DNAH9: variants seen among roughly 807,000 people sequenced by gnomAD.
The protein encoded by DNAH9 is dynein axonemal heavy chain 9.
A neutral mutation model predicts 471.6 loss-of-function variants in DNAH9; 345 were observed. That is an observed-to-expected ratio of 0.73 (90% CI 0.67 to 0.80). The LOEUF is 0.80. DNAH9 is among the 30% of genes least tolerant of loss of function. The probability of loss-of-function intolerance (pLI) is 0.00; values close to 1 mark genes in which losing one functional copy is unlikely to be tolerated. For synonymous variants in DNAH9, 2,093 were observed against 2,123.6 expected (o/e 0.99, Z 0.40); for missense variants, 5,407 against 5,609.2 (o/e 0.96, Z 1.15).
At chr17:11,809,390 C>T (rs2150926481) in intron 44 of DNAH9, among the ~76,000 whole-genome samples, 1 of 151,958 alleles carries the variant, frequency 6.6e-6, no homozygotes, top group South Asian at 2.1e-4. Flanking sequence ...ATGGTGAAAC[C>T]CCATCTCTAC....
In DNAH9 at chr17:11,647,270, G is replaced by A. The variant is rs185049307; in HGVS notation, c.2097+72G>A. On this transcript the variant is annotated intron_variant, in intron 12 of 68. Transcript: ENST00000262442. The stretch of plus-strand genomic sequence containing the variant: ...TTTGAACTCTGCTGATTTCAAAAGC[G>A]TAAAGACTTTTATTTTTTTGAGACG... 164 of 1,445,168 alleles carry A rather than the reference G, an allele frequency of 1.1e-4. No homozygotes were observed. In the East Asian group the frequency reaches 1.5e-3, roughly 13 times the overall value. 89.5% of individuals were successfully genotyped at this position (1,445,168 alleles called of 1,614,324 possible).
intron 38 of DNAH9, 92 bp downstream of exon 38, chr17:11,769,421 C>A: frequency 8.5e-7 from 1 of 1,180,316 alleles, no homozygotes; most frequent in Non-Finnish European, 1.2e-6. Flanking sequence ...GCCTGCCTGA[C>A]TTGAGTTCTG....
At chr17:11,725,587 C>G (rs919388727) in intron 27 of DNAH9, among the ~76,000 whole-genome samples, 4 of 152,128 alleles carry the variant, frequency 2.6e-5, no homozygotes, top group Admixed American at 2.6e-4. Flanking sequence ...TGCCCTACAT[C>G]AGGACACAGT....
chr17:11,598,937 C>G, intron 1 of DNAH9, 22 bp downstream of exon 1: 2 of 1,300,694 alleles, frequency 1.5e-6, no homozygotes, highest in Non-Finnish European at 2.0e-6. Context: ...TTAGTGTCCC[C>G]GCGCGGCTAA....
chr17:11,790,891 C>T (rs1289817274), intron 41 of DNAH9, among the ~76,000 whole-genome samples: 2 of 152,058 alleles, frequency 1.3e-5, no homozygotes, highest in Non-Finnish European at 1.5e-5. Flanking sequence ...TTATTAATTG[C>T]CATACAATGC....
At chr17:11,747,890 GA>G in intron 32 of DNAH9, 124 bp downstream of exon 32, 1 of 881,844 alleles carries the variant, frequency 1.1e-6, no homozygotes, top group Non-Finnish European at 1.7e-6. Context: ...ACCGCGGAGG[GA>G]GACAAAAAAG....
At chr17:11,725,337 G>A (rs935991240) in intron 27 of DNAH9, among the ~76,000 whole-genome samples, 1 of 152,126 alleles carries the variant, frequency 6.6e-6, no homozygotes, top group Non-Finnish European at 1.5e-5. Flanking sequence ...ACTCCAGTGG[G>A]ACTTTATCAC....
chr17:11,676,227 G>A (rs1467865083), intron 17 of DNAH9, among the ~76,000 whole-genome samples: 1 of 142,652 alleles, frequency 7.0e-6, no homozygotes, highest in Non-Finnish European at 1.5e-5. Flanking sequence ...CCTCTCAACT[G>A]TTTAATCTCT....
chr17:11,717,220 G>A (rs1167166032), intron 26 of DNAH9, among the ~76,000 whole-genome samples: 1 of 152,144 alleles, frequency 6.6e-6, no homozygotes, highest in Non-Finnish European at 1.5e-5. Flanking sequence ...AGGAGAAAAA[G>A]GGAACTTAAA....
At chr17:11,812,574 G>A (rs1969966081) in intron 45 of DNAH9, among the ~76,000 whole-genome samples, 2 of 152,088 alleles carry the variant, frequency 1.3e-5, no homozygotes, top group African/African-American at 4.8e-5. Context: ...CTGGTCCAGA[G>A]CATGTACTAG....
At position 11,636,504 on chromosome 17, in the gene DNAH9, C is replaced by T. The variant is rs80088587; in HGVS notation, c.1636-130C>T. The stretch of plus-strand genomic sequence containing the variant: ...CATATGAATAATTACAGGTCCAGCT[C>T]CACAATAACACTGTTCACTCTTCTT... On this transcript the variant is annotated intron_variant, in intron 8 of 68. Transcript: ENST00000262442. The T allele has an allele frequency of 4.3e-3, 2,820 of 652,494 alleles. 13 individuals carry two copies. Among genetic ancestry groups the T allele is most frequent in the Middle Eastern group, 7.8e-3 (18 of 2,310 alleles). The allele number at this position is 652,494 out of a possible 1,614,324, so 40.4% of individuals were successfully genotyped here.
intron 30 of DNAH9, among the ~76,000 whole-genome samples, chr17:11,744,440 G>A (rs906899856): frequency 3.3e-5 from 5 of 152,118 alleles, no homozygotes; most frequent in African/African-American, 4.8e-5. Flanking sequence ...TAAGCTCAGC[G>A]TCTACCATCT....
At chr17:11,922,036 C>T (rs1009135145) in intron 61 of DNAH9, among the ~76,000 whole-genome samples, 8 of 152,174 alleles carry the variant, frequency 5.3e-5, no homozygotes, top group African/African-American at 1.9e-4. Context: ...TTTATCTCCC[C>T]ACTTCCAAAG....
rs1360930113 is a variant in DNAH9 at position 11,784,552 on chromosome 17, G to T, written c.8061+13G>T. 3.7e-6 allele frequency: 6 copies of T among 1,613,844 alleles called. No homozygotes were observed. In the African/African-American group the frequency reaches 5.3e-5, roughly 14 times the overall value. ...CAACATTTTCCAGGTGAGTTCATCG[G>T]CTCCGAGACACCCTAGGGGCTTAGT... is the stretch of plus-strand genomic sequence containing the variant. On this transcript the variant is annotated intron_variant, in intron 41 of 68. Coordinates refer to ENST00000262442, the MANE Select transcript of DNAH9 (RefSeq NM_001372.4).
intron 43 of DNAH9, among the ~76,000 whole-genome samples, chr17:11,806,833 G>A (rs1368773917): frequency 1.3e-5 from 2 of 152,154 alleles, no homozygotes; most frequent in Non-Finnish European, 2.9e-5. Context: ...ATGAGAAAAG[G>A]AGAAAATCAG....
chr17:11,611,977 A>G lies in DNAH9; in HGVS notation c.904+197A>G, dbSNP rs148527212. ...ACAGAGCTATGCTGTTTGCAGTTCC[A>G]CTGCTGTATGGCCTGGGAAAATTCA... On this transcript the variant is annotated intron_variant, in intron 4 of 68. Transcript: ENST00000262442. 7.1e-4 allele frequency: 447 copies of G among 626,572 alleles called. 1 individual carries two copies. The East Asian group carries it at 8.9e-3, about 12-fold the overall frequency. The allele number at this position is 626,572 out of a possible 1,614,324, so 38.8% of individuals were successfully genotyped here.
At chr17:11,819,831 AAAAC>A (rs1237872127) in intron 45 of DNAH9, among the ~76,000 whole-genome samples, 4 of 152,262 alleles carry the variant, frequency 2.6e-5, no homozygotes, top group South Asian at 2.1e-4. Flanking sequence ...TAAAAGCAAT[AAAAC>A]AAACAACTTG....
chr17:11,603,278 A>G (rs1049158807), intron 1 of DNAH9, among the ~76,000 whole-genome samples: 14 of 152,200 alleles, frequency 9.2e-5, no homozygotes, highest in South Asian at 6.2e-4. Flanking sequence ...TTAGATCACT[A>G]TTTCCCAACG....
At position 11,688,096 on chromosome 17, in the gene DNAH9, AAAAAG is replaced by A. The variant is rs1184736848; in HGVS notation, c.3744-1465_3744-1461del. Among the ~76,000 whole-genome samples, 267 of 143,372 alleles carry A rather than the reference AAAAAG, an allele frequency of 1.9e-3. 2 individuals carry two copies. Among genetic ancestry groups the A allele is most frequent in the African/African-American group, 6.1e-3 (224 of 36,614 alleles). The allele number at this position is 143,372 out of a possible 152,430, so 94.1% of individuals were successfully genotyped here. On this transcript the variant is annotated intron_variant, in intron 19 of 68. Transcript: ENST00000262442. ...TTGCAGTAAGCCAAAAAAAAAAAAAAAAAAGAAAAAGCCATCTGCCTACATGGGTT... is the reference window on the plus strand; with the variant it reads ...TTGCAGTAAGCCAAAAAAAAAAAAAAAAAAAGCCATCTGCCTACATGGGTT...
Sources: allele counts gnomAD v4.1 joint callset (sites outside exome capture counted in the v4.1 genomes callset), GRCh38; gene constraint gnomAD v4.1.1; transcripts MANE v1.5; gene names NCBI Gene and HGNC (gene_info 2026-07-23, HGNC 2026-07-21).